Variants in PPP1R1A observed in about 807,000 individuals in gnomAD.
PPP1R1A encodes protein phosphatase 1 regulatory inhibitor subunit 1A, also known as protein phosphatase 1 regulatory subunit 1A.
Under a neutral mutation model 23.9 loss-of-function variants are expected in PPP1R1A, and 18 were observed. That is an observed-to-expected ratio of 0.75 (90% confidence interval 0.52 to 1.12). PPP1R1A has a LOEUF of 1.12. Ranked by LOEUF, PPP1R1A falls within the 50% of genes most tolerant of loss-of-function variation. The probability of loss-of-function intolerance (pLI) is 0.00; values close to 1 mark genes in which losing one functional copy is unlikely to be tolerated. For missense variants in PPP1R1A, 207 were observed against 223.8 expected (o/e 0.92, Z 0.48); for synonymous variants, 84 against 80.7 (o/e 1.04, Z -0.22).
rs1957833919 is a variant in PPP1R1A, at chr12:54,579,659, T to G, written c.*728A>C. The G allele has an allele frequency of 1.0e-6, 1 of 985,478 alleles. No homozygotes were observed. The highest frequency in any genetic ancestry group is 1.2e-6 in the Non-Finnish European group (1 of 829,972). The allele number at this position is 985,478 out of a possible 1,614,324, so 61.0% of individuals were successfully genotyped here. ...GTCTAGGACAAGGGAACCCTTCCAG[T>G]CTCCAGCATGGGCCTCTTCATTAAT... is the stretch of plus-strand genomic sequence containing the variant. On this transcript the variant is annotated 3_prime_UTR_variant, in exon 7 of 7. Transcript: ENST00000257905.
chr12:54,588,374 G>T (rs1957932929), intron 1 of PPP1R1A, 31 bp downstream of exon 1: 3 of 1,485,752 alleles, frequency 2.0e-6, no homozygotes, highest in Non-Finnish European at 2.7e-6. Context: ...TTGGCTGGGC[G>T]AGTGCCCTGC....
intron 1 of PPP1R1A, among the ~76,000 whole-genome samples, chr12:54,587,591 A>C (rs1957922428): frequency 6.6e-6 from 1 of 152,118 alleles, no homozygotes; most frequent in East Asian, 1.9e-4. Context: ...CCAGGCTAGG[A>C]GGCTGGGCCA....
In PPP1R1A at chr12:54,588,453, G is replaced by A. The variant is rs1211345103; in HGVS notation, c.36C>T (p.Phe12=). The A allele has an allele frequency of 6.7e-7, 1 of 1,484,764 alleles. No homozygotes were observed. Among genetic ancestry groups the A allele is most frequent in the Admixed American group, 2.3e-5 (1 of 44,242 alleles). The allele number at this position is 1,484,764 out of a possible 1,614,324, so 92.0% of individuals were successfully genotyped here. ...EQDNSPRKIQ[F]TVPLLEPHLD... ...GGTGCGGCTCCAGCAGCGGGACCGTGAACTGGATCTTTCGGGGGCTGTTGT... is the reference window on the plus strand; with the variant it reads ...GGTGCGGCTCCAGCAGCGGGACCGTAAACTGGATCTTTCGGGGGCTGTTGT... The change falls in exon 1 of 7, where the codon TTC becomes TTT. Residue 12 remains phenylalanine (F), a synonymous_variant. Transcript: ENST00000257905.
Position 54,579,832 on chromosome 12 carries a change from A to G in PPP1R1A, c.*555T>C. ...AGGGCAGGCGAGGAGGTATCGGCAC[A>G]CCACCATACCCTCTTTCCCATGGGC... On this transcript the variant is annotated 3_prime_UTR_variant, in exon 7 of 7. Transcript: ENST00000257905. 1.0e-6 allele frequency: 1 copy of G among 985,596 alleles called. No individual in the cohort carries two copies. Among genetic ancestry groups the G allele is most frequent in the Non-Finnish European group, 1.2e-6 (1 of 830,094 alleles). 61.1% of individuals were successfully genotyped at this position (985,596 alleles called of 1,614,324 possible).
chr12:54,586,602 G>A (rs1028095062), intron 1 of PPP1R1A, among the ~76,000 whole-genome samples: 1 of 152,180 alleles, frequency 6.6e-6, no homozygotes, highest in Non-Finnish European at 1.5e-5. Flanking sequence ...GCCTAACACA[G>A]CAGGAGGGGC....
chr12:54,580,244 A>G lies in PPP1R1A; in HGVS notation c.*143T>C. ...GAAAGGATTCTCCCAGTTGGAAAAG[A>G]AGGAAAGTGCCAAGGACCTAACACC... On this transcript the variant is annotated 3_prime_UTR_variant, in exon 7 of 7. Coordinates refer to ENST00000257905, the MANE Select transcript of PPP1R1A (RefSeq NM_006741.4). The G allele has an allele frequency of 6.8e-7, 1 of 1,465,166 alleles. No individual in the cohort carries two copies. The highest frequency in any genetic ancestry group is 9.1e-7 in the Non-Finnish European group (1 of 1,103,520). 90.8% of individuals were successfully genotyped at this position (1,465,166 alleles called of 1,614,324 possible). A position where few individuals can be genotyped will look rare whatever the true frequency, so the allele number is the denominator to read the frequency against.
At chr12:54,583,061 A>G in intron 3 of PPP1R1A, 150 bp downstream of exon 3, 1 of 775,354 alleles carries the variant, frequency 1.3e-6, no homozygotes, top group Non-Finnish European at 2.1e-6. Flanking sequence ...GTGCATGTGT[A>G]TATGTTCACT....
intron 1 of PPP1R1A, 92 bp from the exon 2 acceptor site, chr12:54,584,412 G>A: frequency 8.0e-7 from 1 of 1,243,634 alleles, no homozygotes; most frequent in Non-Finnish European, 1.1e-6. Context: ...ATCCAGGCTA[G>A]CCTACTTAAC....
At chr12:54,587,459 G>T (rs1030578030) in intron 1 of PPP1R1A, among the ~76,000 whole-genome samples, 1 of 152,208 alleles carries the variant, frequency 6.6e-6, no homozygotes, top group African/African-American at 2.4e-5. Flanking sequence ...CAAACAAGGA[G>T]TAGTAAGGAC....
chr12:54,580,347 C>T lies in PPP1R1A; in HGVS notation c.*40G>A, dbSNP rs1592180879. 2 of 1,612,808 alleles carry T rather than the reference C, an allele frequency of 1.2e-6. No individual in the cohort carries two copies. The highest frequency in any genetic ancestry group is 1.7e-6 in the Non-Finnish European group (2 of 1,179,370). On this transcript the variant is annotated 3_prime_UTR_variant, in exon 7 of 7. Coordinates refer to ENST00000257905, the MANE Select transcript of PPP1R1A (RefSeq NM_006741.4). ...GAAACAAATCCGGTGTCCATGCATT[C>T]CCAAACTGCAGTCTTGATCCCAAGA... is the stretch of plus-strand genomic sequence containing the variant.
At position 54,580,956 on chromosome 12, in the gene PPP1R1A, C is replaced by T. The variant is rs200143901; in HGVS notation, c.498G>A (p.Lys166=). ...CCTGGGGTCTTACCGAGTTGGCTCC[C>T]TTGGAATCCAGTGGTGGTATATGGG... ...PSTHIPPLDS[K]GANSV The change falls in exon 6 of 7, where the codon AAG becomes AAA. Residue 166 remains lysine (K), a synonymous_variant. Coordinates refer to ENST00000257905, the MANE Select transcript of PPP1R1A (RefSeq NM_006741.4). 96 of 1,613,450 alleles carry T rather than the reference C, an allele frequency of 5.9e-5. No individual in the cohort carries two copies. The highest frequency in any genetic ancestry group is 8.0e-5 in the Non-Finnish European group (94 of 1,179,476).
chr12:54,582,829 C>T, intron 3 of PPP1R1A, 34 bp from the exon 4 acceptor site: 3 of 1,591,270 alleles, frequency 1.9e-6, no homozygotes, highest in Non-Finnish European at 2.6e-6. Flanking sequence ...TGGGCGCCAG[C>T]CCCCCCTTGC....
In PPP1R1A at chr12:54,580,349, C is replaced by G; in HGVS notation, c.*38G>C. 6.2e-7 allele frequency: 1 copy of G among 1,612,726 alleles called. No individual in the cohort carries two copies. The highest frequency in any genetic ancestry group is 8.5e-7 in the Non-Finnish European group (1 of 1,179,338). On this transcript the variant is annotated 3_prime_UTR_variant, in exon 7 of 7. Transcript: ENST00000257905. ...AACAAATCCGGTGTCCATGCATTCC[C>G]AAACTGCAGTCTTGATCCCAAGATA...
Position 54,579,396 on chromosome 12 carries a change from G to A in PPP1R1A, c.*991C>T. On this transcript the variant is annotated 3_prime_UTR_variant, in exon 7 of 7. Coordinates refer to ENST00000257905, the MANE Select transcript of PPP1R1A (RefSeq NM_006741.4). ...TGGGCAAGCTGAGGCCCAGGAGGAG[G>A]CCCCGAGGGCTCATAGTAGCTGCAT... 1 of 985,292 alleles carries A rather than the reference G, an allele frequency of 1.0e-6. No individual in the cohort carries two copies. The highest frequency in any genetic ancestry group is 1.2e-6 in the Non-Finnish European group (1 of 829,930). The allele number at this position is 985,292 out of a possible 1,614,324, so 61.0% of individuals were successfully genotyped here.
Position 54,581,795 on chromosome 12 carries a change from GAA to G in PPP1R1A, c.403+179_403+180del, listed in dbSNP as rs1957857890. ...GGAGGGCTTGGTGTCACTCAGTAAG[GAA>G]AAGTGAAGATTCAAATATATGCCGA... On this transcript the variant is annotated intron_variant, in intron 5 of 6. Transcript: ENST00000257905. This position sits in a 1 kb window ranked among gnomAD's most constrained non-coding sequence, Gnocchi z 4.1. Among the ~76,000 whole-genome samples, 1 of 152,204 alleles carries G rather than the reference GAA, an allele frequency of 6.6e-6. No individual in the cohort carries two copies. The highest frequency in any genetic ancestry group is 2.1e-4 in the South Asian group (1 of 4,828).
In PPP1R1A at chr12:54,579,287, A is replaced by G. The variant is rs1037708506; in HGVS notation, c.*1100T>C. ...GTACAAGTTGACCAAGCATCTTCAC[A>G]TACATACACTCTTTCCAGCATGATA... On this transcript the variant is annotated 3_prime_UTR_variant, in exon 7 of 7. Coordinates refer to ENST00000257905, the MANE Select transcript of PPP1R1A (RefSeq NM_006741.4). 1.9e-5 allele frequency: 19 copies of G among 985,156 alleles called. No individual in the cohort carries two copies. Among genetic ancestry groups the G allele is most frequent in the South Asian group, 4.7e-5 (1 of 21,280 alleles). 61.0% of individuals were successfully genotyped at this position (985,156 alleles called of 1,614,324 possible). A position where few individuals can be genotyped will look rare whatever the true frequency, so the allele number is the denominator to read the frequency against.
At chr12:54,585,386 C>T (rs1462582587) in intron 1 of PPP1R1A, among the ~76,000 whole-genome samples, 1 of 152,202 alleles carries the variant, frequency 6.6e-6, no homozygotes, top group Non-Finnish European at 1.5e-5. Flanking sequence ...TCTGAGCCCC[C>T]TTTCCCCCCA....
chr12:54,583,174 T>C lies in PPP1R1A; in HGVS notation c.183+37A>G, dbSNP rs754028500. The C allele has an allele frequency of 6.5e-6, 10 of 1,539,698 alleles. No homozygotes were observed. The South Asian group carries it at 7.6e-5, about 12-fold the overall frequency. ...AATAATCCCCTAATGAATGTGGGGG[T>C]TTTTTGGGCTGGGCTTAGTGGGATG... On this transcript the variant is annotated intron_variant, in intron 3 of 6. Coordinates refer to ENST00000257905, the MANE Select transcript of PPP1R1A (RefSeq NM_006741.4).
At position 54,582,753 on chromosome 12, in the gene PPP1R1A, T is replaced by C; in HGVS notation, c.226A>G (p.Arg76Gly). 2 of 1,613,834 alleles carry C rather than the reference T, an allele frequency of 1.2e-6. No homozygotes were observed. The highest frequency in any genetic ancestry group is 1.7e-6 in the Non-Finnish European group (2 of 1,179,888). The change falls in exon 4 of 7, where the codon AGG (arginine) becomes GGG (glycine). Residue 76 changes from arginine (R) to glycine (G), a missense_variant. By Grantham distance (125) the Arg-to-Gly change is moderately radical (BLOSUM62 -2). Coordinates refer to ENST00000257905, the MANE Select transcript of PPP1R1A (RefSeq NM_006741.4). ...MSPRQRKKMT[R>G]ITPTMKELQM... ...AAACCTTTCATTGTGGGTGTGATCC[T>C]TGTCATCTTCTTCCGTTGCCGTGGA...
Sources: allele counts gnomAD v4.1 joint callset (sites outside exome capture counted in the v4.1 genomes callset), GRCh38; gene constraint gnomAD v4.1.1; non-coding constraint Gnocchi (gnomAD v3.1); transcripts MANE v1.5; gene names NCBI Gene and HGNC (gene_info 2026-07-23, HGNC 2026-07-21).